KIAA1328: variants seen among roughly 807,000 people sequenced by gnomAD.
KIAA1328 encodes the protein KIAA1328, also known as protein hinderin.
KIAA1328 carries 52 observed loss-of-function variants against 68.1 expected under a neutral mutation model. The observed-to-expected ratio is 0.76, with a 90% CI of 0.61 to 0.96. The LOEUF is 0.96. KIAA1328 is among the 40% of genes least tolerant of loss of function. The pLI, the probability that KIAA1328 is intolerant of heterozygous loss-of-function variation, is 0.00. For missense variants in KIAA1328, 641 were observed against 677.6 expected (o/e 0.95, Z 0.60); for synonymous variants, 232 against 239.4 (o/e 0.97, Z 0.28).
chr18:36,935,267 T>C (rs1382464238), intron 5 of KIAA1328, among the ~76,000 whole-genome samples: 1 of 152,246 alleles, frequency 6.6e-6, no homozygotes, highest in East Asian at 1.9e-4. Flanking sequence ...ACAGAATCTT[T>C]TGAGTAGAAA....
intron 9 of KIAA1328, among the ~76,000 whole-genome samples, chr18:37,178,035 T>C (rs2847591): frequency 0.26 from 39,746 of 151,824 alleles, 8,104 homozygotes; most frequent in African/African-American, 0.57. Flanking sequence ...AAAGTAATTG[T>C]GGTTTTTTTT....
At chr18:36,976,801 C>T (rs1473645682) in intron 6 of KIAA1328, among the ~76,000 whole-genome samples, 1 of 152,078 alleles carries the variant, frequency 6.6e-6, no homozygotes, top group Non-Finnish European at 1.5e-5. Flanking sequence ...CTTAAGAATG[C>T]TGAGCAGAAG....
At chr18:37,046,658 A>G (rs1160798107) in intron 6 of KIAA1328, among the ~76,000 whole-genome samples, 1 of 152,208 alleles carries the variant, frequency 6.6e-6, no homozygotes, top group Non-Finnish European at 1.5e-5. Flanking sequence ...AACTAATTTT[A>G]AAAAATATTT....
At chr18:36,906,570 C>T (rs557495376) in intron 5 of KIAA1328, among the ~76,000 whole-genome samples, 61 of 151,928 alleles carry the variant, frequency 4.0e-4, no homozygotes, top group African/African-American at 1.4e-3. Flanking sequence ...ATGGATATAC[C>T]ATAGTTTGCT....
intron 6 of KIAA1328, among the ~76,000 whole-genome samples, chr18:36,964,565 T>C (rs1194799720): frequency 6.6e-6 from 1 of 152,184 alleles, no homozygotes; most frequent in African/African-American, 2.4e-5. Flanking sequence ...TGAAAACAAG[T>C]TGGCTTTATT....
intron 7 of KIAA1328, among the ~76,000 whole-genome samples, chr18:37,124,903 A>G (rs926009585): frequency 6.6e-6 from 1 of 152,220 alleles, no homozygotes; most frequent in Non-Finnish European, 1.5e-5. Flanking sequence ...CATTCTTCAT[A>G]TTGACAAAAA....
chr18:37,176,359 G>A (rs2059597282), intron 9 of KIAA1328, among the ~76,000 whole-genome samples: 1 of 152,148 alleles, frequency 6.6e-6, no homozygotes, highest in Non-Finnish European at 1.5e-5. Flanking sequence ...TTTTAGCTGG[G>A]CACCTTTGTA....
At chr18:37,218,586 T>C (rs989013425) in intron 9 of KIAA1328, among the ~76,000 whole-genome samples, 3 of 152,250 alleles carry the variant, frequency 2.0e-5, no homozygotes, top group East Asian at 3.8e-4. Flanking sequence ...TGATACCCTT[T>C]CTTCCACTCG....
intron 5 of KIAA1328, among the ~76,000 whole-genome samples, chr18:36,933,477 C>A (rs1475339521): frequency 2.0e-5 from 3 of 152,212 alleles, no homozygotes; most frequent in Non-Finnish European, 2.9e-5. Flanking sequence ...CTCAGACCAG[C>A]CCTGCACCTG....
chr18:37,030,845 C>A (rs978605916), intron 6 of KIAA1328, among the ~76,000 whole-genome samples: 1 of 152,180 alleles, frequency 6.6e-6, no homozygotes. Context: ...CCCCCACCCC[C>A]CGACAGGCCC....
At chr18:37,204,602 G>A (rs754669904) in intron 9 of KIAA1328, among the ~76,000 whole-genome samples, 1 of 152,156 alleles carries the variant, frequency 6.6e-6, no homozygotes, top group Non-Finnish European at 1.5e-5. Context: ...AGCCCTTACT[G>A]AGTTTTAGAG....
chr18:36,918,754 C>T (rs1339805005), intron 5 of KIAA1328, among the ~76,000 whole-genome samples: 3 of 152,106 alleles, frequency 2.0e-5, no homozygotes, highest in African/African-American at 7.2e-5. Flanking sequence ...TATAAATATC[C>T]ATTTAAGCTT....
At chr18:37,206,629 G>C (rs1254483118) in intron 9 of KIAA1328, among the ~76,000 whole-genome samples, 1 of 152,144 alleles carries the variant, frequency 6.6e-6, no homozygotes, top group Admixed American at 6.5e-5. Context: ...CGTTTGACTA[G>C]GTAGTTGTTG....
chr18:36,833,171 AAAAAT>A (rs1226558586), intron 1 of KIAA1328: 1 of 152,238 alleles, frequency 6.6e-6, no homozygotes, highest in Non-Finnish European at 1.5e-5. Context: ...GCTGTGGAGA[AAAAAT>A]AAAGCAGGAA....
At chr18:37,144,266 GA>G (rs2154208664) in intron 7 of KIAA1328, among the ~76,000 whole-genome samples, 1 of 152,216 alleles carries the variant, frequency 6.6e-6, no homozygotes, top group East Asian at 1.9e-4. Context: ...TACCATCTCT[GA>G]TTCCTAACTT....
At chr18:36,993,636 A>G (rs1000511220) in intron 6 of KIAA1328, among the ~76,000 whole-genome samples, 4 of 152,228 alleles carry the variant, frequency 2.6e-5, no homozygotes, top group African/African-American at 9.6e-5. Context: ...CTGTAGAGAT[A>G]TAAAAGACAT....
chr18:37,229,348 T>C (rs1355816012), downstream of KIAA1328, among the ~76,000 whole-genome samples: 1 of 152,342 alleles, frequency 6.6e-6, no homozygotes, highest in East Asian at 1.9e-4. Flanking sequence ...CATCCCATTA[T>C]ATGGGTTATT....
intron 7 of KIAA1328, among the ~76,000 whole-genome samples, chr18:37,158,959 A>G (rs1205771099): frequency 6.6e-6 from 1 of 151,788 alleles, no homozygotes; most frequent in Admixed American, 6.6e-5. Context: ...TATTTTCCGT[A>G]TTTCCCTGTT....
intron 5 of KIAA1328, among the ~76,000 whole-genome samples, chr18:36,927,593 T>A (rs533061990): frequency 7.6e-4 from 116 of 151,824 alleles, no homozygotes; most frequent in African/African-American, 2.1e-3. Flanking sequence ...CAAAAAAAAA[T>A]TTTTTTAAAA....
Sources: gnomAD v4.1 joint callset for allele counts (sites outside exome capture counted in the v4.1 genomes callset) on GRCh38, gnomAD v4.1.1 for gene constraint, MANE v1.5 for transcripts, NCBI Gene and HGNC (gene_info 2026-07-23, HGNC 2026-07-21) for gene names.